The following ADGRV1 variants were observed in gnomAD, a reference collection of about 807,000 sequenced individuals.
The protein encoded by ADGRV1 is adhesion G protein-coupled receptor V1.
ADGRV1 carries 359 observed loss-of-function variants against 596.2 expected under a neutral mutation model. The observed-to-expected ratio is 0.60, with a 90% CI of 0.55 to 0.66. The LOEUF (loss-of-function observed/expected upper bound fraction) is 0.66, where lower values mean the gene tolerates loss of function less well. Among genes scored for constraint, ADGRV1 ranks in the 30% least tolerant of loss-of-function variants. ADGRV1 has a pLI of 0.00. For missense variants in ADGRV1, 7,274 were observed against 7,575.6 expected (o/e 0.96, Z 1.48); for synonymous variants, 2,681 against 2,679.2 (o/e 1.00, Z -0.02).
At chr5:90,871,799 G>C (rs1012504283) in intron 83 of ADGRV1, among the ~76,000 whole-genome samples, 17 of 152,192 alleles carry the variant, frequency 1.1e-4, no homozygotes, top group African/African-American at 4.1e-4. Context: ...TGGAGCGTAG[G>C]GGGAAGTGTC....
chr5:90,773,445 A>C (rs958388338), intron 59 of ADGRV1, among the ~76,000 whole-genome samples: 1 of 152,200 alleles, frequency 6.6e-6, no homozygotes, highest in Non-Finnish European at 1.5e-5. Context: ...AATAAGAAAA[A>C]ATAAAATCAT....
chr5:90,836,968 T>C (rs1765020753), intron 77 of ADGRV1, among the ~76,000 whole-genome samples: 1 of 152,224 alleles, frequency 6.6e-6, no homozygotes, highest in South Asian at 2.1e-4. Context: ...TAATTATGGA[T>C]CAAGTTGTTA....
chr5:90,709,586 A>G lies in ADGRV1; in HGVS notation c.8824+677A>G, dbSNP rs80294926. ...GGACAGGGGAAAGTTAATTTGGATTAAAGGAAGAGAAGCATGGCCAGGAGC... is the reference window on the plus strand; with the variant it reads ...GGACAGGGGAAAGTTAATTTGGATTGAAGGAAGAGAAGCATGGCCAGGAGC... On this transcript the variant is annotated intron_variant, in intron 39 of 89. Coordinates refer to ENST00000405460, the MANE Select transcript of ADGRV1 (RefSeq NM_032119.4). 5.6e-4 allele frequency among the ~76,000 whole-genome samples: 86 copies of G among 152,354 alleles called. 1 individual carries two copies. The East Asian group carries it at 0.012, about 21-fold the overall frequency.
chr5:90,805,457 G>A lies in ADGRV1; in HGVS notation c.14835G>A (p.Leu4945=), dbSNP rs1200496679. ...TTGTTGGCAACATGACCCCAACACT[G>A]GGTGAGTTGTAGTTTTTCTAAGATG... ...FIVVGNMTPT[L]GSLSFSHGEQ... Residue 4945 remains leucine, a splice_region_variant and synonymous_variant, in exon 72 of 90, where the codon CTG becomes CTA. Transcript: ENST00000405460. 2 of 1,575,654 alleles carry A rather than the reference G, an allele frequency of 1.3e-6. No individual in the cohort carries two copies. The highest frequency in any genetic ancestry group is 1.7e-6 in the Non-Finnish European group (2 of 1,152,518).
intron 73 of ADGRV1, among the ~76,000 whole-genome samples, chr5:90,809,745 G>A (rs944209789): frequency 2.6e-5 from 4 of 152,214 alleles, no homozygotes; most frequent in African/African-American, 7.2e-5. Context: ...ATGGGTGTCT[G>A]TCCTCATTCA....
intron 1 of ADGRV1, among the ~76,000 whole-genome samples, chr5:90,574,554 T>C (rs139869734): frequency 3.7e-3 from 565 of 152,158 alleles, no homozygotes; most frequent in African/African-American, 0.013. Context: ...TTTTGTGGAG[T>C]CTTTAGGATT....
chr5:91,128,237 C>T (rs1302514669), intron 87 of ADGRV1, among the ~76,000 whole-genome samples: 4 of 151,982 alleles, frequency 2.6e-5, no homozygotes, highest in Non-Finnish European at 5.9e-5. Context: ...ATATTTTCCC[C>T]TTATCGCAGC....
intron 89 of ADGRV1, among the ~76,000 whole-genome samples, chr5:91,156,153 A>G (rs922510001): frequency 2.6e-5 from 4 of 152,224 alleles, no homozygotes; most frequent in African/African-American, 9.7e-5. Flanking sequence ...ACCAGGATAA[A>G]AGGTAATGAT....
chr5:91,152,955 C>T (rs1431447173), intron 88 of ADGRV1, among the ~76,000 whole-genome samples: 1 of 152,180 alleles, frequency 6.6e-6, no homozygotes, highest in Non-Finnish European at 1.5e-5. Flanking sequence ...TGGTGGTTCA[C>T]ACCCATAATC....
At chr5:90,635,082 C>A in intron 9 of ADGRV1, 32 bp from the exon 10 acceptor site, 1 of 1,406,688 alleles carries the variant, frequency 7.1e-7, no homozygotes, top group Non-Finnish European at 9.9e-7. Context: ...TCTATCAATT[C>A]TTACTACTTT....
Position 90,778,907 on chromosome 5 carries a change from G to A in ADGRV1, c.12892G>A (p.Val4298Met). 2 of 1,613,368 alleles carry A rather than the reference G, an allele frequency of 1.2e-6. No homozygotes were observed. Among genetic ancestry groups the A allele is most frequent in the Admixed American group, 1.7e-5 (1 of 59,980 alleles). The part of the protein sequence containing the change: ...IIRSSGDFGH[V>M]RLWYKTMSGT... ...CCGTTCCAGTGGAGATTTTGGCCAT[G>A]TGCGACTCTGGTACAAGACGATGAG... The change falls in exon 64 of 90, where the codon GTG becomes ATG. Residue 4298 changes from valine (V) to methionine (M), a missense_variant. Physicochemically the swap from Val to Met is conservative, Grantham distance 21. Transcript: ENST00000405460.
At chr5:90,697,216 A>G in intron 34 of ADGRV1, 70 bp downstream of exon 34, 6 of 1,355,668 alleles carry the variant, frequency 4.4e-6, no homozygotes, top group Non-Finnish European at 6.2e-6. Flanking sequence ...CTAGTTCTTT[A>G]AAACTTGATA....
At chr5:90,570,715 C>T (rs1395690510) in intron 1 of ADGRV1, among the ~76,000 whole-genome samples, 2 of 151,334 alleles carry the variant, frequency 1.3e-5, no homozygotes, top group African/African-American at 4.8e-5. Context: ...TGTTGAGCCC[C>T]TCTGTGAATT....
chr5:90,725,885 A>G (rs1751708061), intron 48 of ADGRV1, among the ~76,000 whole-genome samples: 1 of 152,216 alleles, frequency 6.6e-6, no homozygotes, highest in African/African-American at 2.4e-5. Context: ...AATAAAAATG[A>G]ACATTTAATT....
At chr5:90,638,015 T>C (rs990649229) in intron 11 of ADGRV1, 67 bp downstream of exon 11, 4 of 1,167,914 alleles carry the variant, frequency 3.4e-6, no homozygotes, top group African/African-American at 1.6e-5. Flanking sequence ...ACTTTGATTT[T>C]TTTTTTACTC....
At chr5:90,891,970 G>A (rs996254241) in intron 83 of ADGRV1, among the ~76,000 whole-genome samples, 10 of 151,818 alleles carry the variant, frequency 6.6e-5, no homozygotes, top group Admixed American at 5.9e-4. Context: ...GAAAAGTTAT[G>A]AGTTCAGAGT....
rs749412864 is a variant in ADGRV1 at position 90,628,676 on chromosome 5, G to A, written c.1353G>A (p.Pro451=). ...DPSPVTADIR[P]SSGVLHFAQG... is the part of the protein sequence containing the mutation. Reference sequence around the variant, plus strand: ...CACCAGTAACAGCAGATATCAGACCGAGCTCTGGAGTTCTCCATTTTGCAC... The same window carrying A: ...CACCAGTAACAGCAGATATCAGACCAAGCTCTGGAGTTCTCCATTTTGCAC... The change falls in exon 8 of 90, where the codon CCG becomes CCA. Residue 451 remains proline (P), a synonymous_variant. Transcript: ENST00000405460. 9 of 1,613,974 alleles carry A rather than the reference G, an allele frequency of 5.6e-6. No homozygotes were observed. Among genetic ancestry groups the A allele is most frequent in the South Asian group, 2.2e-5 (2 of 91,082 alleles).
intron 59 of ADGRV1, among the ~76,000 whole-genome samples, chr5:90,773,614 A>G (rs1757921934): frequency 1.3e-5 from 2 of 152,234 alleles, no homozygotes; most frequent in Non-Finnish European, 2.9e-5. Context: ...TGAAACATGC[A>G]TATAAAAGAC....
chr5:90,914,947 C>G (rs1004766375), intron 83 of ADGRV1, among the ~76,000 whole-genome samples: 5 of 152,238 alleles, frequency 3.3e-5, no homozygotes, highest in African/African-American at 1.2e-4. Context: ...CCTACATGCT[C>G]CCCTAAAAAC....
Sources: gnomAD v4.1 joint callset for allele counts (sites outside exome capture counted in the v4.1 genomes callset) on GRCh38, gnomAD v4.1.1 for gene constraint, MANE v1.5 for transcripts, NCBI Gene and HGNC (gene_info 2026-07-23, HGNC 2026-07-21) for gene names.